The following SEPTIN7 variants were observed in gnomAD, a reference collection of about 807,000 sequenced individuals.
SEPTIN7 encodes the protein septin 7.
A neutral mutation model predicts 63.3 loss-of-function variants in SEPTIN7; 10 were observed. The observed-to-expected ratio is 0.16, with a 90% CI of 0.10 to 0.27. The LOEUF (loss-of-function observed/expected upper bound fraction) is 0.27, where lower values mean the gene tolerates loss of function less well. Among genes scored for constraint, SEPTIN7 ranks in the 10% least tolerant of loss-of-function variants. SEPTIN7 has a pLI of 1.00. For missense variants in SEPTIN7, 310 were observed against 521.0 expected (o/e 0.59, Z 3.94); for synonymous variants, 131 against 165.3 (o/e 0.79, Z 1.59).
intron 1 of SEPTIN7, among the ~76,000 whole-genome samples, chr7:35,824,067 G>T (rs1783380049): frequency 7.0e-6 from 1 of 142,898 alleles, no homozygotes; most frequent in Non-Finnish European, 1.5e-5. Flanking sequence ...CTGCTATCCT[G>T]TTGTTCTTCT....
Position 35,801,265 on chromosome 7 carries a change from C to G in SEPTIN7, c.56C>G (p.Thr19Ser), listed in dbSNP as rs1218286205. The G allele has an allele frequency of 2.7e-6, 4 of 1,493,276 alleles. No homozygotes were observed. Among genetic ancestry groups the G allele is most frequent in the Admixed American group, 2.3e-5 (1 of 43,728 alleles). 92.5% of individuals were successfully genotyped at this position (1,493,276 alleles called of 1,614,324 possible). The change falls in exon 1 of 14, where the codon ACC becomes AGC. Residue 19 changes from threonine to serine, a missense_variant. This residue lies in a region of SEPTIN7 where 55 missense variants were observed against 30.5 expected (regional missense o/e 1.80). Coordinates refer to ENST00000350320, the MANE Select transcript of SEPTIN7 (RefSeq NM_001788.6). ...GAGGAGAGGAGCGTCAACAGCAGCA[C>G]CATGGGTGAGTCTCAGCTTCGGGTG... ...AAEERSVNSS[T>S]MVAQQKNLEG...
At chr7:35,811,864 A>T (rs1233550524) in intron 1 of SEPTIN7, among the ~76,000 whole-genome samples, 1 of 152,206 alleles carries the variant, frequency 6.6e-6, no homozygotes, top group African/African-American at 2.4e-5. Context: ...TCTACTAAAA[A>T]TACAAAAATT....
At chr7:35,897,295 G>A (rs532913187) in intron 11 of SEPTIN7, among the ~76,000 whole-genome samples, 1 of 152,070 alleles carries the variant, frequency 6.6e-6, no homozygotes, top group African/African-American at 2.4e-5. Context: ...TTGTCCCAGG[G>A]TATTGAATAA....
chr7:35,819,483 T>C (rs1400990860), intron 1 of SEPTIN7, among the ~76,000 whole-genome samples: 1 of 152,150 alleles, frequency 6.6e-6, no homozygotes, highest in Non-Finnish European at 1.5e-5. Context: ...TGTTGTTGAG[T>C]CTTCTGCTTC....
intron 3 of SEPTIN7, among the ~76,000 whole-genome samples, chr7:35,862,173 A>G (rs543147315): frequency 5.3e-5 from 8 of 152,242 alleles, no homozygotes; most frequent in African/African-American, 1.9e-4. Context: ...GTATTGTACT[A>G]TCCACAGAGT....
At chr7:35,806,608 C>T (rs1788355707) in intron 1 of SEPTIN7, among the ~76,000 whole-genome samples, 1 of 152,206 alleles carries the variant, frequency 6.6e-6, no homozygotes, top group African/African-American at 2.4e-5. Flanking sequence ...GATGTGCATA[C>T]ACACATCTTG....
chr7:35,832,956 C>G (rs1307278295), intron 3 of SEPTIN7, 56 bp downstream of exon 3: 9 of 946,692 alleles, frequency 9.5e-6, no homozygotes, highest in Non-Finnish European at 1.6e-5. Context: ...AAACGTTAGT[C>G]AACTCTGAAT....
intron 3 of SEPTIN7, among the ~76,000 whole-genome samples, chr7:35,854,813 T>C (rs939962811): frequency 2.0e-5 from 3 of 152,070 alleles, no homozygotes; most frequent in African/African-American, 7.2e-5. Flanking sequence ...TAATTTATGG[T>C]TCTTGTAGAA....
intron 1 of SEPTIN7, among the ~76,000 whole-genome samples, chr7:35,811,756 G>T (rs1788721207): frequency 6.6e-6 from 1 of 152,126 alleles, no homozygotes; most frequent in Admixed American, 6.5e-5. Flanking sequence ...GGGCGCGGTG[G>T]CTCATGCCTG....
intron 1 of SEPTIN7, among the ~76,000 whole-genome samples, chr7:35,805,862 C>G (rs753663692): frequency 6.6e-6 from 1 of 152,152 alleles, no homozygotes; most frequent in African/African-American, 2.4e-5. Flanking sequence ...CATCTTAATT[C>G]TGTTGTTTTG....
intron 3 of SEPTIN7, among the ~76,000 whole-genome samples, chr7:35,841,175 C>G (rs1182270126): frequency 2.0e-5 from 3 of 151,794 alleles, no homozygotes; most frequent in South Asian, 4.2e-4. Flanking sequence ...GAGCCGAGAT[C>G]GTGCCACTAC....
At chr7:35,816,268 A>G (rs1235039217) in intron 1 of SEPTIN7, among the ~76,000 whole-genome samples, 1 of 151,976 alleles carries the variant, frequency 6.6e-6, no homozygotes, top group Non-Finnish European at 1.5e-5. Flanking sequence ...GCAACCACTA[A>G]TTTACTTTCC....
At chr7:35,814,622 T>A (rs2115736411) in intron 1 of SEPTIN7, among the ~76,000 whole-genome samples, 1 of 152,296 alleles carries the variant, frequency 6.6e-6, no homozygotes, top group East Asian at 1.9e-4. Context: ...GCTGTTTGTG[T>A]TACTGGTGAT....
intron 2 of SEPTIN7, among the ~76,000 whole-genome samples, chr7:35,832,451 T>C (rs1484197087): frequency 6.6e-6 from 1 of 152,090 alleles, no homozygotes. Context: ...GATTTGAATT[T>C]TTTTATTGTG....
At chr7:35,809,778 GAAGGCTTTAA>G (rs1054230809) in intron 1 of SEPTIN7, among the ~76,000 whole-genome samples, 4 of 152,202 alleles carry the variant, frequency 2.6e-5, no homozygotes, top group Non-Finnish European at 5.9e-5. Flanking sequence ...AATCTTTATT[GAAGGCTTTAA>G]AAGAAAAGTG....
chr7:35,831,975 A>G (rs1191920326), intron 2 of SEPTIN7: 1 of 335,196 alleles, frequency 3.0e-6, no homozygotes, highest in African/African-American at 2.3e-5. Flanking sequence ...AGTAAAATTA[A>G]CCAATGAGAC....
chr7:35,802,568 A>G (rs1788064176), intron 1 of SEPTIN7, among the ~76,000 whole-genome samples: 1 of 152,204 alleles, frequency 6.6e-6, no homozygotes, highest in African/African-American at 2.4e-5. Context: ...TAAGCATCTA[A>G]CCTGTTTTAC....
intron 1 of SEPTIN7, among the ~76,000 whole-genome samples, chr7:35,814,511 G>GT (rs1215100869): frequency 1.3e-5 from 2 of 151,962 alleles, no homozygotes; most frequent in African/African-American, 4.8e-5. Context: ...TTAGGTACTA[G>GT]TTTTTTGTTG....
At chr7:35,883,824 C>A in intron 8 of SEPTIN7, 67 bp from the exon 9 acceptor site, 16 of 855,852 alleles carry the variant, frequency 1.9e-5, no homozygotes, top group Non-Finnish European at 2.4e-5. Context: ...AGTAATGTAA[C>A]TTTTTTTATT....
Sources: allele counts gnomAD v4.1 joint callset (sites outside exome capture counted in the v4.1 genomes callset), GRCh38; gene constraint gnomAD v4.1.1; regional missense constraint gnomAD v4.1.1; transcripts MANE v1.5; gene names NCBI Gene and HGNC (gene_info 2026-07-23, HGNC 2026-07-21).